EPB41L3: variants seen among roughly 807,000 people sequenced by gnomAD.
EPB41L3 encodes erythrocyte membrane protein band 4.1 like 3.
Under a neutral mutation model 127.1 loss-of-function variants are expected in EPB41L3, and 57 were observed. The observed-to-expected ratio is 0.45, with a 90% confidence interval of 0.36 to 0.56. The LOEUF is 0.56. Ranked by LOEUF, EPB41L3 falls within the 20% of genes least tolerant of loss-of-function variation. The pLI is 0.00. For synonymous variants in EPB41L3, 572 were observed against 549.5 expected (o/e 1.04, Z -0.57); for missense variants, 1,273 against 1,372.2 (o/e 0.93, Z 1.14).
chr18:5,473,958 G>A (rs1290556992), intron 3 of EPB41L3, among the ~76,000 whole-genome samples: 1 of 152,154 alleles, frequency 6.6e-6, no homozygotes, highest in Non-Finnish European at 1.5e-5. Context: ...TCAGCCGGGT[G>A]TGGTGGCTCA....
chr18:5,576,482 G>T lies in EPB41L3; in HGVS notation c.-306+35858C>A, dbSNP rs1157799506. Among the ~76,000 whole-genome samples, 4 of 152,058 alleles carry T rather than the reference G, an allele frequency of 2.6e-5. No individual in the cohort carries two copies. In the East Asian group the frequency reaches 7.7e-4, roughly 29 times the overall value. On this transcript the variant is annotated intron_variant, in intron 3 of 21. Transcript: ENST00000545076. ...AGCTAAATACATATCAAGATCAAAA[G>T]GTTTCAACAAAAGAGCCTAATGAAA...
chr18:5,424,938 C>T (rs879458684), intron 9 of EPB41L3, among the ~76,000 whole-genome samples: 4 of 152,152 alleles, frequency 2.6e-5, no homozygotes, highest in Non-Finnish European at 5.9e-5. Flanking sequence ...TACGTAAGAT[C>T]AGAGATTGGG....
chr18:5,552,161 T>C (rs1417488670), intron 3 of EPB41L3, among the ~76,000 whole-genome samples: 1 of 152,256 alleles, frequency 6.6e-6, no homozygotes, highest in Non-Finnish European at 1.5e-5. Context: ...AGTGAGTCAA[T>C]TTTGAACAGG....
rs137860443 is a variant in EPB41L3 at position 5,494,374 on chromosome 18, G to A, written c.-11-5180C>T. 2.0e-3 allele frequency among the ~76,000 whole-genome samples: 302 copies of A among 152,310 alleles called. 2 individuals are homozygous for A. The highest frequency in any genetic ancestry group is 0.013 in the Admixed American group (201 of 15,308). On this transcript the variant is annotated intron_variant, in intron 1 of 22. Coordinates refer to ENST00000341928, the MANE Select transcript of EPB41L3 (RefSeq NM_012307.5). ...AGTTGTGTTTAAAGAAACAGTAGAA[G>A]AGGCTGGGTGCAGTGGCTCACGCCT...
intron 3 of EPB41L3, among the ~76,000 whole-genome samples, chr18:5,464,377 C>G (rs926133251): frequency 6.6e-6 from 1 of 152,140 alleles, no homozygotes; most frequent in Non-Finnish European, 1.5e-5. Context: ...GTATTTACAG[C>G]CAGCCAAAGA....
chr18:5,409,344 AT>A (rs1411167338), intron 14 of EPB41L3, among the ~76,000 whole-genome samples: 5 of 152,330 alleles, frequency 3.3e-5, no homozygotes, highest in Middle Eastern at 3.4e-3. Flanking sequence ...TATAGCACAC[AT>A]TAAGATTCCA....
chr18:5,440,875 T>C (rs930508691), intron 5 of EPB41L3, among the ~76,000 whole-genome samples: 14 of 152,104 alleles, frequency 9.2e-5, no homozygotes, highest in African/African-American at 2.9e-4. Context: ...AACTCTTCAG[T>C]TTCAAAATTT....
At chr18:5,565,522 G>T (rs1212847291) in intron 3 of EPB41L3, among the ~76,000 whole-genome samples, 2 of 150,736 alleles carry the variant, frequency 1.3e-5, no homozygotes, top group Non-Finnish European at 3.0e-5. Context: ...AGTTACATAT[G>T]TATACATGTG....
intron 3 of EPB41L3, among the ~76,000 whole-genome samples, chr18:5,455,578 A>G (rs1568252698): frequency 1.3e-5 from 2 of 150,846 alleles, no homozygotes; most frequent in South Asian, 2.1e-4. Context: ...TGACAAAAGT[A>G]CCTCCCTACA....
intron 1 of EPB41L3, among the ~76,000 whole-genome samples, chr18:5,623,426 GTTTA>G (rs2094887318): frequency 6.6e-6 from 1 of 152,056 alleles, no homozygotes; most frequent in African/African-American, 2.4e-5. Flanking sequence ...GATCATGCCT[GTTTA>G]TTTTTCTTTT....
At chr18:5,478,932 A>G (rs2147930219) in intron 2 of EPB41L3, among the ~76,000 whole-genome samples, 1 of 152,352 alleles carries the variant, frequency 6.6e-6, no homozygotes, top group East Asian at 1.9e-4. Context: ...CAGTACTTTT[A>G]CAACTGTTAA....
intron 1 of EPB41L3, chr18:5,508,159 A>T (rs549391657): frequency 2.1e-4 from 32 of 152,322 alleles, no homozygotes; most frequent in African/African-American, 7.0e-4. Context: ...ATAAAATAAT[A>T]ATTACCAGAG....
intron 2 of EPB41L3, chr18:5,480,105 C>CA (rs2088124992): frequency 1.3e-5 from 2 of 152,108 alleles, no homozygotes; most frequent in African/African-American, 4.8e-5. Flanking sequence ...AGGGAAGATA[C>CA]AATGTCGCTT....
intron 3 of EPB41L3, among the ~76,000 whole-genome samples, chr18:5,573,902 A>AAT (rs2094309228): frequency 6.6e-6 from 1 of 151,614 alleles, no homozygotes; most frequent in Non-Finnish European, 1.5e-5. Context: ...AAATTTACCT[A>AAT]ATATATATAC....
chr18:5,411,608 C>T (rs1034590932), intron 13 of EPB41L3, among the ~76,000 whole-genome samples: 1 of 152,010 alleles, frequency 6.6e-6, no homozygotes, highest in African/African-American at 2.4e-5. Flanking sequence ...TTTCCCTCCA[C>T]AGATATCAAC....
intron 2 of EPB41L3, among the ~76,000 whole-genome samples, chr18:5,482,469 C>T (rs1239102728): frequency 1.3e-5 from 2 of 152,060 alleles, no homozygotes; most frequent in Admixed American, 6.5e-5. Flanking sequence ...GGAAACTTTC[C>T]AAAACTCGTG....
At chr18:5,576,699 C>T (rs536764926) in intron 3 of EPB41L3, among the ~76,000 whole-genome samples, 4 of 152,264 alleles carry the variant, frequency 2.6e-5, no homozygotes, top group African/African-American at 7.2e-5. Flanking sequence ...CAGCCCCATG[C>T]CTCTGAGGTT....
At chr18:5,566,931 G>C (rs145274412) in intron 3 of EPB41L3, among the ~76,000 whole-genome samples, 14 of 151,844 alleles carry the variant, frequency 9.2e-5, no homozygotes, top group Non-Finnish European at 4.4e-5. Flanking sequence ...TCAGCCTCCC[G>C]AGTAGTTGGG....
At position 5,406,875 on chromosome 18, in the gene EPB41L3, C is replaced by G. The variant is rs140941017; in HGVS notation, c.2251G>C (p.Val751Leu). Residue 751 changes from valine to leucine, a missense_variant, in exon 16 of 23, where the codon GTA (valine) becomes CTA (leucine). By Grantham distance (32) the Val-to-Leu change is conservative. Transcript: ENST00000341928. ...AGCCTCTTCTCCCATTCATTCGTTACGGCAGTGTCTGTTGAGGTTTCTAAG... is the reference window on the plus strand; with the variant it reads ...AGCCTCTTCTCCCATTCATTCGTTAGGGCAGTGTCTGTTGAGGTTTCTAAG... ...TFLETSTDTA[V>L]TNEWEKRLST... The G allele has an allele frequency of 1.2e-6, 2 of 1,614,182 alleles. No homozygotes were observed. The highest frequency in any genetic ancestry group is 1.7e-6 in the Non-Finnish European group (2 of 1,180,020).
Sources: allele counts gnomAD v4.1 joint callset (sites outside exome capture counted in the v4.1 genomes callset), GRCh38; gene constraint gnomAD v4.1.1; transcripts MANE v1.5; gene names NCBI Gene and HGNC (gene_info 2026-07-23, HGNC 2026-07-21).